SGMS1: variants seen among roughly 807,000 people sequenced by gnomAD.
The protein encoded by SGMS1 is sphingomyelin synthase 1, also known as phosphatidylcholine:ceramide cholinephosphotransferase 1.
SGMS1 carries 13 observed loss-of-function variants against 46.2 expected under a neutral mutation model. The observed-to-expected ratio is 0.28, with a 90% CI of 0.18 to 0.45. The LOEUF (loss-of-function observed/expected upper bound fraction) is 0.45, where lower values mean the gene tolerates loss of function less well. Ranked by LOEUF, SGMS1 falls within the 20% of genes least tolerant of loss-of-function variation. The pLI is 1.00. For synonymous variants in SGMS1, 203 were observed against 187.8 expected (o/e 1.08, Z -0.66); for missense variants, 324 against 519.9 (o/e 0.62, Z 3.66).
At chr10:50,463,536 G>C (rs942439993) in intron 4 of SGMS1, among the ~76,000 whole-genome samples, 1 of 152,224 alleles carries the variant, frequency 6.6e-6, no homozygotes, top group African/African-American at 2.4e-5. Flanking sequence ...TGTTGGCAAA[G>C]ATGTGGAGAA....
At position 50,623,740 on chromosome 10, in the gene SGMS1, G is replaced by C. The variant is rs113001754; in HGVS notation, c.-717C>G. The C allele has an allele frequency of 3.0e-6, 3 of 985,368 alleles. No homozygotes were observed. Among genetic ancestry groups the C allele is most frequent in the South Asian group, 9.4e-5 (2 of 21,288 alleles). The allele number at this position is 985,368 out of a possible 1,614,324, so 61.0% of individuals were successfully genotyped here. On this transcript the variant is annotated 5_prime_UTR_variant, in exon 1 of 11. Transcript: ENST00000361781. ...GAGTCACGGCAGCCGCCGGAATTCCGCTCGCGGAGCCCCCGCCGCGGAATG... is the reference window on the plus strand; with the variant it reads ...GAGTCACGGCAGCCGCCGGAATTCCCCTCGCGGAGCCCCCGCCGCGGAATG...
At chr10:50,547,631 C>T (rs951275815) in intron 2 of SGMS1, among the ~76,000 whole-genome samples, 7 of 152,162 alleles carry the variant, frequency 4.6e-5, no homozygotes, top group East Asian at 1.9e-4. Flanking sequence ...AGAGCTGGTA[C>T]TATTTCTACT....
chr10:50,477,888 A>AAG (rs1332475910), intron 3 of SGMS1, among the ~76,000 whole-genome samples: 1 of 152,188 alleles, frequency 6.6e-6, no homozygotes, highest in Non-Finnish European at 1.5e-5. Context: ...CATCCAACAA[A>AAG]ACTGTGAGCT....
At chr10:50,509,882 T>C (rs548233764) in intron 3 of SGMS1, among the ~76,000 whole-genome samples, 44 of 152,320 alleles carry the variant, frequency 2.9e-4, no homozygotes, top group Non-Finnish European at 5.7e-4. Flanking sequence ...GTTGGTGGTG[T>C]TTTTATTTTA....
At chr10:50,352,931 T>C (rs895562988) in intron 6 of SGMS1, among the ~76,000 whole-genome samples, 2 of 152,072 alleles carry the variant, frequency 1.3e-5, no homozygotes, top group East Asian at 3.9e-4. Flanking sequence ...GGCTCTGAAA[T>C]TGAGGCAATA....
At chr10:50,537,306 C>T (rs748473049) in intron 2 of SGMS1, among the ~76,000 whole-genome samples, 1 of 151,956 alleles carries the variant, frequency 6.6e-6, no homozygotes, top group Admixed American at 6.6e-5. Flanking sequence ...AATCTCAAAC[C>T]CTCCTACTGC....
intron 7 of SGMS1, chr10:50,342,857 T>G (rs1847842467): frequency 1.3e-5 from 2 of 152,164 alleles, no homozygotes; most frequent in South Asian, 4.1e-4. Flanking sequence ...TAAGTGGGAG[T>G]TGCCTACTTA....
At chr10:50,601,090 A>T (rs1419811377) in intron 1 of SGMS1, among the ~76,000 whole-genome samples, 1 of 152,238 alleles carries the variant, frequency 6.6e-6, no homozygotes, top group Non-Finnish European at 1.5e-5. Flanking sequence ...ACAGTTGGGA[A>T]GATGAAATGA....
At chr10:50,458,339 CTTTTTT>C (rs750349777) in intron 5 of SGMS1, among the ~76,000 whole-genome samples, 1,378 of 96,998 alleles carry the variant, frequency 0.014, no homozygotes, top group Non-Finnish European at 0.019. Flanking sequence ...TTCTTTTTCT[CTTTTTT>C]TTTTTTTTTT....
intron 2 of SGMS1, among the ~76,000 whole-genome samples, chr10:50,520,921 C>CA (rs1837852211): frequency 6.6e-6 from 1 of 150,848 alleles, no homozygotes; most frequent in Admixed American, 6.6e-5. Context: ...TTCTTTGAGA[C>CA]AGAGTCTCAG....
At chr10:50,358,687 CT>C (rs1848196961) in intron 6 of SGMS1, among the ~76,000 whole-genome samples, 2 of 152,280 alleles carry the variant, frequency 1.3e-5, no homozygotes, top group South Asian at 2.1e-4. Flanking sequence ...CAGAGCAAGA[CT>C]TTGTCTCAAA....
intron 4 of SGMS1, among the ~76,000 whole-genome samples, chr10:50,464,791 T>C (rs1376024293): frequency 6.6e-6 from 1 of 151,936 alleles, no homozygotes; most frequent in African/African-American, 2.4e-5. Context: ...AACTGTAAGA[T>C]GATAAATTTG....
intron 3 of SGMS1, among the ~76,000 whole-genome samples, chr10:50,470,774 T>A (rs1309357089): frequency 1.3e-5 from 2 of 152,106 alleles, no homozygotes; most frequent in African/African-American, 4.8e-5. Flanking sequence ...ACAGAGCTCC[T>A]CTCTCAAAAC....
chr10:50,581,651 T>C (rs533376598), intron 2 of SGMS1, among the ~76,000 whole-genome samples: 210 of 152,346 alleles, frequency 1.4e-3, no homozygotes, highest in African/African-American at 4.6e-3. Context: ...GAACCTATTA[T>C]AATTCCCACA....
chr10:50,500,309 C>A (rs1050144455), intron 3 of SGMS1, among the ~76,000 whole-genome samples: 9 of 152,072 alleles, frequency 5.9e-5, no homozygotes, highest in Non-Finnish European at 1.0e-4. Flanking sequence ...ATCACTTAAC[C>A]CAAACTGCCA....
rs1838342944 is a variant in SGMS1, at chr10:50,572,286, A to T, written c.-589+17867T>A. On this transcript the variant is annotated intron_variant, in intron 2 of 10. Transcript: ENST00000361781. Reference sequence around the variant, plus strand: ...AACCCAAACACCACAGGTTTTCCAGATAATTGAGTAATCAGAGTCTATGCG... The same window carrying T: ...AACCCAAACACCACAGGTTTTCCAGTTAATTGAGTAATCAGAGTCTATGCG... Among the ~76,000 whole-genome samples the T allele has an allele frequency of 2.0e-5, 3 of 152,218 alleles. No homozygotes were observed. The East Asian group carries it at 5.8e-4, about 29-fold the overall frequency.
chr10:50,308,958 C>A (rs541428262), intron 9 of SGMS1, among the ~76,000 whole-genome samples: 1 of 152,274 alleles, frequency 6.6e-6, no homozygotes, highest in African/African-American at 2.4e-5. Context: ...ATTCATTGAG[C>A]CTCTTACATG....
intron 2 of SGMS1, among the ~76,000 whole-genome samples, chr10:50,589,368 C>A (rs374122144): frequency 6.6e-6 from 1 of 152,146 alleles, no homozygotes; most frequent in Non-Finnish European, 1.5e-5. Flanking sequence ...CTCAAGCGAT[C>A]CTCCCACCTC....
intron 2 of SGMS1, among the ~76,000 whole-genome samples, chr10:50,522,625 C>T (rs1588863423): frequency 6.6e-6 from 1 of 152,152 alleles, no homozygotes; most frequent in East Asian, 1.9e-4. Context: ...TGCCAAGCTT[C>T]ATTTTACACT....
Sources: gnomAD v4.1 joint callset for allele counts (sites outside exome capture counted in the v4.1 genomes callset) on GRCh38, gnomAD v4.1.1 for gene constraint, MANE v1.5 for transcripts, NCBI Gene and HGNC (gene_info 2026-07-23, HGNC 2026-07-21) for gene names.